LIMCH1: variants seen among roughly 807,000 people sequenced by gnomAD.
LIMCH1 encodes the protein LIM and calponin homology domains-containing protein 1.
LIMCH1 carries 113 observed loss-of-function variants against 176.5 expected under a neutral mutation model. That is an observed-to-expected ratio of 0.64 (90% CI 0.55 to 0.75). The LOEUF (loss-of-function observed/expected upper bound fraction) is 0.75. Ranked by LOEUF, LIMCH1 falls within the 30% of genes least tolerant of loss-of-function variation. The pLI, the probability that LIMCH1 is intolerant of heterozygous loss-of-function variation, is 0.00. For missense variants in LIMCH1, 1,674 were observed against 1,814.9 expected (o/e 0.92, Z 1.41); for synonymous variants, 619 against 645.9 (o/e 0.96, Z 0.63).
At chr4:41,514,567 G>C (rs543167632) in intron 2 of LIMCH1, among the ~76,000 whole-genome samples, 2 of 152,254 alleles carry the variant, frequency 1.3e-5, no homozygotes, top group East Asian at 3.9e-4. Flanking sequence ...TAGGTATCAA[G>C]TCAGTTTGTG....
chr4:41,429,741 G>A (rs1383395829), intron 1 of LIMCH1, among the ~76,000 whole-genome samples: 18 of 152,198 alleles, frequency 1.2e-4, no homozygotes, highest in Admixed American at 1.2e-3. Context: ...TGATACCCAA[G>A]TCTCAGTTGC....
chr4:41,650,842 G>A (rs1340513044), intron 18 of LIMCH1, among the ~76,000 whole-genome samples: 1 of 151,994 alleles, frequency 6.6e-6, no homozygotes, highest in African/African-American at 2.4e-5. Flanking sequence ...TCCCTCCATT[G>A]GTCATGAGAG....
At chr4:41,660,795 C>G (rs1456087190) in intron 18 of LIMCH1, among the ~76,000 whole-genome samples, 1 of 152,106 alleles carries the variant, frequency 6.6e-6, no homozygotes, top group African/African-American at 2.4e-5. Context: ...GAGGGTAATT[C>G]AGCACAAGTG....
intron 5 of LIMCH1, among the ~76,000 whole-genome samples, chr4:41,615,559 A>G (rs1280563275): frequency 6.6e-6 from 1 of 152,190 alleles, no homozygotes; most frequent in Non-Finnish European, 1.5e-5. Flanking sequence ...TTGTAAACTA[A>G]TCAAGACCTA....
chr4:41,515,790 C>T (rs1305951540), intron 2 of LIMCH1, among the ~76,000 whole-genome samples: 1 of 152,178 alleles, frequency 6.6e-6, no homozygotes, highest in Non-Finnish European at 1.5e-5. Flanking sequence ...AATCCTGGAA[C>T]TCTTTGTTCT....
chr4:41,636,319 A>G (rs558148170), intron 13 of LIMCH1, among the ~76,000 whole-genome samples: 112 of 132,760 alleles, frequency 8.4e-4, no homozygotes, highest in African/African-American at 3.0e-3. Flanking sequence ...CGTACTTTGC[A>G]TTGGAAAGAT....
rs759787676 is a variant in LIMCH1 at position 41,638,980 on chromosome 4, G to T, written c.2126+13G>T. 35 of 1,567,264 alleles carry T rather than the reference G, an allele frequency of 2.2e-5. No homozygotes were observed. Among genetic ancestry groups the T allele is most frequent in the Non-Finnish European group, 2.9e-5 (34 of 1,161,388 alleles). On this transcript the variant is annotated intron_variant, in intron 14 of 31. Transcript: ENST00000503057. ...CTGATGACGCAGAGTAAGTTGCCTT[G>T]TATTTGTAGGATTACATTAATTACT...
At chr4:41,402,197 A>T (rs890771445) in intron 1 of LIMCH1, among the ~76,000 whole-genome samples, 1 of 152,198 alleles carries the variant, frequency 6.6e-6, no homozygotes, top group African/African-American at 2.4e-5. Flanking sequence ...AAAAGAAGAC[A>T]TTTATGCAGC....
At chr4:41,678,110 A>G (rs7686122) in intron 23 of LIMCH1, among the ~76,000 whole-genome samples, 86,349 of 151,770 alleles carry the variant, frequency 0.57, 25,409 homozygotes, top group African/African-American at 0.66. Flanking sequence ...GACAGGCCCC[A>G]GTGTGTGGTA....
intron 1 of LIMCH1, among the ~76,000 whole-genome samples, chr4:41,547,840 TATG>T (rs1465636484): frequency 7.5e-6 from 1 of 132,742 alleles, no homozygotes; most frequent in Non-Finnish European, 1.6e-5. Flanking sequence ...TATAATGTTT[TATG>T]ATATATAATT....
rs200724458 is a variant in LIMCH1 at position 41,631,423 on chromosome 4, C to T, written c.1547C>T (p.Ala516Val). 1.1e-3 allele frequency: 1,612 copies of T among 1,530,616 alleles called. No homozygotes were observed. Among genetic ancestry groups the T allele is most frequent in the Non-Finnish European group, 1.3e-3 (1,542 of 1,145,280 alleles). 94.8% of individuals were successfully genotyped at this position (1,530,616 alleles called of 1,614,324 possible). A position where few individuals can be genotyped will look rare whatever the true frequency, so the allele number is the denominator to read the frequency against. Residue 516 changes from alanine to valine, a missense_variant, in exon 10 of 32, where the codon GCG becomes GTG. Ala to Val is a moderately conservative substitution (Grantham distance 64). This residue lies in a region of LIMCH1 where 655 missense variants were observed against 692.2 expected (regional missense o/e 0.95). Coordinates refer to ENST00000503057, the MANE Select transcript of LIMCH1 (RefSeq NM_001330672.2). ...IQMDSVSPVS[A>V]ATSSLKGHQI... The stretch of plus-strand genomic sequence containing the variant: ...ATGGACTCTGTGTCTCCTGTCTCAG[C>T]GGCCACTTCCAGCTTAAAGGGCCAC...
chr4:41,378,448 CAG>C (rs1392629109), intron 1 of LIMCH1, among the ~76,000 whole-genome samples: 1 of 152,184 alleles, frequency 6.6e-6, no homozygotes, highest in Non-Finnish European at 1.5e-5. Flanking sequence ...TTAATATACT[CAG>C]TGCTTGATAT....
intron 4 of LIMCH1, among the ~76,000 whole-genome samples, chr4:41,610,364 G>A (rs2091281739): frequency 6.6e-6 from 1 of 152,190 alleles, no homozygotes; most frequent in Non-Finnish European, 1.5e-5. Flanking sequence ...GCCTCCCTGA[G>A]TGTCTGCCTT....
chr4:41,451,843 A>G (rs2063922436), intron 1 of LIMCH1, among the ~76,000 whole-genome samples: 1 of 152,150 alleles, frequency 6.6e-6, no homozygotes, highest in Non-Finnish European at 1.5e-5. Context: ...TTTATTCTGC[A>G]CAAAATTTCA....
intron 18 of LIMCH1, among the ~76,000 whole-genome samples, chr4:41,659,841 A>G (rs1027860412): frequency 6.6e-6 from 1 of 152,258 alleles, no homozygotes; most frequent in South Asian, 2.1e-4. Context: ...TATTTTTACT[A>G]AGTAAATATT....
chr4:41,426,017 CT>C (rs913325890), intron 1 of LIMCH1, among the ~76,000 whole-genome samples: 228 of 102,860 alleles, frequency 2.2e-3, no homozygotes, highest in African/African-American at 5.9e-3. Flanking sequence ...TGAAAAGATT[CT>C]TTTTTTTTTT....
chr4:41,401,215 G>A (rs1482112398), intron 1 of LIMCH1, among the ~76,000 whole-genome samples: 5 of 152,186 alleles, frequency 3.3e-5, no homozygotes. Context: ...TGTATAAAGT[G>A]TAAGGAAGGG....
chr4:41,486,662 T>C (rs1479317729), intron 1 of LIMCH1, among the ~76,000 whole-genome samples: 1 of 152,146 alleles, frequency 6.6e-6, no homozygotes, highest in African/African-American at 2.4e-5. Flanking sequence ...GGTGAGGGCT[T>C]TGTGAAATGT....
chr4:41,652,334 C>T (rs1687665091), intron 18 of LIMCH1, among the ~76,000 whole-genome samples: 2 of 152,008 alleles, frequency 1.3e-5, no homozygotes, highest in Admixed American at 1.3e-4. Flanking sequence ...TGGGAGTAGA[C>T]CAAAATCATT....
Sources: allele counts gnomAD v4.1 joint callset (sites outside exome capture counted in the v4.1 genomes callset), GRCh38; gene constraint gnomAD v4.1.1; regional missense constraint gnomAD v4.1.1; transcripts MANE v1.5; gene names NCBI Gene and HGNC (gene_info 2026-07-23, HGNC 2026-07-21).